NEK10: variants seen among roughly 807,000 people sequenced by gnomAD.
The protein encoded by NEK10 is serine/threonine-protein kinase Nek10.
NEK10 carries 122 observed loss-of-function variants against 159.8 expected under a neutral mutation model. The observed-to-expected ratio is 0.76, with a 90% CI of 0.66 to 0.89. NEK10 has a LOEUF of 0.89. Among genes scored for constraint, NEK10 ranks in the 40% least tolerant of loss-of-function variants. The probability of loss-of-function intolerance (pLI) is 0.00; values close to 1 mark genes in which losing one functional copy is unlikely to be tolerated. For missense variants in NEK10, 1,342 were observed against 1,323.1 expected, an observed-to-expected ratio of 1.01 and a Z score of -0.22; for synonymous variants, 466 against 457.1, an observed-to-expected ratio of 1.02 and a Z score of -0.25.
At chr3:27,335,966 C>A (rs551694474) in intron 5 of NEK10, among the ~76,000 whole-genome samples, 1 of 152,088 alleles carries the variant, frequency 6.6e-6, no homozygotes, top group East Asian at 1.9e-4. Flanking sequence ...AAGGCAAGAA[C>A]AAACCAAACC....
At chr3:27,272,164 C>T (rs1301940295) in intron 22 of NEK10, among the ~76,000 whole-genome samples, 1 of 152,194 alleles carries the variant, frequency 6.6e-6, no homozygotes, top group East Asian at 1.9e-4. Flanking sequence ...TGTTCACAAC[C>T]TTTCACCCAT....
intron 25 of NEK10, among the ~76,000 whole-genome samples, chr3:27,193,307 A>G (rs1282824755): frequency 6.6e-6 from 1 of 152,074 alleles, no homozygotes; most frequent in Non-Finnish European, 1.5e-5. Flanking sequence ...TAAATAACAC[A>G]CTCATTTCTT....
At chr3:27,164,398 A>T (rs1946294688) in intron 29 of NEK10, among the ~76,000 whole-genome samples, 1 of 152,216 alleles carries the variant, frequency 6.6e-6, no homozygotes, top group African/African-American at 2.4e-5. Context: ...GTACTGTCTA[A>T]TGGAAACCGA....
At chr3:27,271,714 A>G (rs12492966) in intron 22 of NEK10, among the ~76,000 whole-genome samples, 40,393 of 152,052 alleles carry the variant, frequency 0.27, 5,500 homozygotes, top group Middle Eastern at 0.39. Context: ...AAATGTTTCT[A>G]TTACTCTTTC....
At chr3:27,280,095 GAAAAAAAAAAAAAA>G (rs1203824501) in intron 22 of NEK10, among the ~76,000 whole-genome samples, 1 of 69,466 alleles carries the variant, frequency 1.4e-5, no homozygotes, top group Non-Finnish European at 2.8e-5. Flanking sequence ...CCCTAAAATG[GAAAAAAAAAAAAAA>G]AAAAAAAAAA....
At chr3:27,260,135 T>C (rs1359436956) in intron 22 of NEK10, among the ~76,000 whole-genome samples, 2 of 151,778 alleles carry the variant, frequency 1.3e-5, no homozygotes, top group Non-Finnish European at 2.9e-5. Context: ...ACGATGGGGT[T>C]TTCTAAATAT....
At chr3:27,295,351 A>C (rs921043045) in intron 15 of NEK10, among the ~76,000 whole-genome samples, 2 of 152,140 alleles carry the variant, frequency 1.3e-5, no homozygotes, top group Non-Finnish European at 2.9e-5. Context: ...TATTTTTTTA[A>C]AAAAATAGAA....
At chr3:27,366,888 T>C (rs929506943) in intron 1 of NEK10, among the ~76,000 whole-genome samples, 15 of 147,160 alleles carry the variant, frequency 1.0e-4, no homozygotes, top group African/African-American at 3.8e-4. Context: ...CTTGGCTCAC[T>C]GCAACCTCCG....
intron 23 of NEK10, among the ~76,000 whole-genome samples, chr3:27,212,006 T>G (rs1951049502): frequency 6.6e-6 from 1 of 152,254 alleles, no homozygotes; most frequent in African/African-American, 2.4e-5. Context: ...TTGTAATATC[T>G]ATTCCTGTTC....
At chr3:27,127,220 T>C (rs1942065223) in intron 32 of NEK10, among the ~76,000 whole-genome samples, 1 of 152,164 alleles carries the variant, frequency 6.6e-6, no homozygotes, top group African/African-American at 2.4e-5. Flanking sequence ...CAACATATCA[T>C]ACTATCCGTA....
intron 1 of NEK10, among the ~76,000 whole-genome samples, chr3:27,355,740 T>A (rs564377410): frequency 5.6e-4 from 85 of 152,206 alleles, no homozygotes; most frequent in African/African-American, 2.0e-3. Flanking sequence ...ATCATACCAC[T>A]CTGTGGCTTA....
At chr3:27,116,244 G>C (rs1056681753) in intron 33 of NEK10, 117 bp from the exon 34 acceptor site, 1 of 865,562 alleles carries the variant, frequency 1.2e-6, no homozygotes, top group African/African-American at 1.7e-5. Flanking sequence ...TAATGATAAA[G>C]ATGGAACAAG....
chr3:27,253,006 C>A, intron 23 of NEK10: 1 of 405,008 alleles, frequency 2.5e-6, no homozygotes, highest in Non-Finnish European at 4.9e-6. Context: ...CTTTATGTAT[C>A]AAAAAAATAA....
At position 27,366,807 on chromosome 3, in the gene NEK10, A is replaced by ATTT. The variant is rs3060370; in HGVS notation, c.-38+2415_-38+2417dup. 4.4e-3 allele frequency among the ~76,000 whole-genome samples: 481 copies of ATTT among 109,494 alleles called. 15 individuals carry two copies. Among genetic ancestry groups the ATTT allele is most frequent in the African/African-American group, 0.013 (375 of 28,606 alleles). The allele number at this position is 109,494 out of a possible 152,430, so 71.8% of individuals were successfully genotyped here. On this transcript the variant is annotated intron_variant, in intron 1 of 35. Transcript: ENST00000691995. ...CACAGCTCTAGACTTCAGTGTGTTC[A>ATTT]TTTTTTTTTTTTTTTTTTTTTGAGA...
chr3:27,268,547 T>C (rs2041085538), intron 22 of NEK10, among the ~76,000 whole-genome samples: 1 of 152,222 alleles, frequency 6.6e-6, no homozygotes. Context: ...AACAACAAAG[T>C]CTGAATGACA....
chr3:27,291,647 T>C (rs973373345), intron 16 of NEK10, 61 bp from the exon 17 acceptor site: 17 of 945,786 alleles, frequency 1.8e-5, no homozygotes, highest in Non-Finnish European at 2.9e-5. Flanking sequence ...ATTACTTCCC[T>C]TTTTTATTTT....
At chr3:27,344,421 C>A in intron 4 of NEK10, 51 bp from the exon 5 acceptor site, 1 of 933,498 alleles carries the variant, frequency 1.1e-6, no homozygotes, top group South Asian at 1.4e-5. Flanking sequence ...CAGGCTGTCT[C>A]AAAGTTGCCA....
At chr3:27,169,435 C>A (rs367981760) in intron 29 of NEK10, among the ~76,000 whole-genome samples, 7 of 152,116 alleles carry the variant, frequency 4.6e-5, no homozygotes, top group Non-Finnish European at 7.3e-5. Context: ...CACTAAAGAA[C>A]GTCATGAGGT....
intron 12 of NEK10, among the ~76,000 whole-genome samples, chr3:27,303,532 T>C (rs1049341511): frequency 6.6e-6 from 1 of 152,210 alleles, no homozygotes; most frequent in African/African-American, 2.4e-5. Flanking sequence ...GCTGGCTTAT[T>C]ATGTCACAGC....
Sources: gnomAD v4.1 joint callset for allele counts (sites outside exome capture counted in the v4.1 genomes callset) on GRCh38, gnomAD v4.1.1 for gene constraint, MANE v1.5 for transcripts, NCBI Gene and HGNC (gene_info 2026-07-23, HGNC 2026-07-21) for gene names.